The following CARMIL1 variants were observed in gnomAD, a reference collection of about 807,000 sequenced individuals.
CARMIL1 encodes F-actin-uncapping protein LRRC16A.
In CARMIL1, 90 loss-of-function variants were observed where a neutral mutation model predicts 177.1. That is an observed-to-expected ratio of 0.51 (90% confidence interval 0.43 to 0.61). The LOEUF (loss-of-function observed/expected upper bound fraction) is 0.61, where lower values mean the gene tolerates loss of function less well. Among genes scored for constraint, CARMIL1 ranks in the 20% least tolerant of loss-of-function variants. The pLI, the probability that CARMIL1 is intolerant of heterozygous loss-of-function variation, is 0.00. For missense variants in CARMIL1, 1,380 were observed against 1,667.0 expected (o/e 0.83, Z 3.00); for synonymous variants, 577 against 606.2 (o/e 0.95, Z 0.71).
At chr6:25,414,148 C>G (rs2150658851) in intron 2 of CARMIL1, among the ~76,000 whole-genome samples, 1 of 152,270 alleles carries the variant, frequency 6.6e-6, no homozygotes, top group Admixed American at 6.5e-5. Context: ...TTGAGCATCT[C>G]TTGTATGAGG....
intron 29 of CARMIL1, among the ~76,000 whole-genome samples, chr6:25,576,492 A>T (rs1393041518): frequency 6.6e-6 from 1 of 152,188 alleles, no homozygotes; most frequent in Non-Finnish European, 1.5e-5. Flanking sequence ...AAATGGCCCC[A>T]GAAGAGACGC....
intron 2 of CARMIL1, among the ~76,000 whole-genome samples, chr6:25,332,755 A>ACACACACACACACACACACACACACACG (rs1785768952): frequency 2.9e-5 from 4 of 138,920 alleles, no homozygotes; most frequent in Admixed American, 2.9e-4. Flanking sequence ...ACACACACAC[A>ACACACACACACACACACACACACACACG]CACACACACA....
At chr6:25,354,144 G>A (rs1261493168) in intron 2 of CARMIL1, among the ~76,000 whole-genome samples, 4 of 152,028 alleles carry the variant, frequency 2.6e-5, no homozygotes, top group African/African-American at 9.7e-5. Context: ...TTAAATATAA[G>A]TGGAAGGGTC....
chr6:25,439,795 G>T (rs1797566076), intron 5 of CARMIL1, among the ~76,000 whole-genome samples: 2 of 152,154 alleles, frequency 1.3e-5, no homozygotes, highest in African/African-American at 4.8e-5. Flanking sequence ...ATTGGATGTA[G>T]CTAGCGCACT....
At chr6:25,325,020 T>G (rs1325548181) in intron 2 of CARMIL1, among the ~76,000 whole-genome samples, 3 of 152,154 alleles carry the variant, frequency 2.0e-5, no homozygotes, top group Non-Finnish European at 4.4e-5. Flanking sequence ...GGTCTCCCCT[T>G]CATCTGCTTT....
At chr6:25,501,451 G>A (rs767794069) in intron 17 of CARMIL1, among the ~76,000 whole-genome samples, 1 of 152,182 alleles carries the variant, frequency 6.6e-6, no homozygotes, top group Non-Finnish European at 1.5e-5. Flanking sequence ...GGAGATAATA[G>A]TAACTCTCCC....
At chr6:25,317,467 ACAT>A (rs1213421315) in intron 2 of CARMIL1, among the ~76,000 whole-genome samples, 1 of 151,296 alleles carries the variant, frequency 6.6e-6, no homozygotes, top group Non-Finnish European at 1.5e-5. Flanking sequence ...GAGAGCCATA[ACAT>A]CATATTGTTT....
At chr6:25,486,365 A>G (rs1376333639) in intron 12 of CARMIL1, among the ~76,000 whole-genome samples, 1 of 152,178 alleles carries the variant, frequency 6.6e-6, no homozygotes, top group Non-Finnish European at 1.5e-5. Flanking sequence ...GTCTATTCAG[A>G]TGTTGGACAA....
chr6:25,555,414 CATTCA>C (rs1359387662), intron 28 of CARMIL1, among the ~76,000 whole-genome samples: 92 of 139,272 alleles, frequency 6.6e-4, no homozygotes, highest in African/African-American at 2.3e-3. Flanking sequence ...TTCATTCATT[CATTCA>C]GGATGGAGTC....
intron 28 of CARMIL1, among the ~76,000 whole-genome samples, chr6:25,556,089 G>A (rs1400023389): frequency 6.6e-6 from 1 of 152,106 alleles, no homozygotes; most frequent in Admixed American, 6.6e-5. Context: ...GTTTGTAAAC[G>A]TTCTCAAAGT....
intron 31 of CARMIL1, among the ~76,000 whole-genome samples, chr6:25,588,209 C>T (rs1198198141): frequency 6.6e-6 from 1 of 152,150 alleles, no homozygotes; most frequent in Non-Finnish European, 1.5e-5. Context: ...GTCCTGGAAC[C>T]AGTCCCCCTC....
intron 1 of CARMIL1, among the ~76,000 whole-genome samples, chr6:25,281,403 T>G (rs1781109438): frequency 1.3e-5 from 2 of 152,086 alleles, no homozygotes; most frequent in Admixed American, 1.3e-4. Flanking sequence ...TGGCAGATTT[T>G]TACTTTATAT....
chr6:25,529,941 TA>T (rs1440516540), intron 24 of CARMIL1, among the ~76,000 whole-genome samples: 2 of 151,938 alleles, frequency 1.3e-5, no homozygotes, highest in South Asian at 2.1e-4. Context: ...TAGCTTATAA[TA>T]AAAAAAGACA....
intron 20 of CARMIL1, among the ~76,000 whole-genome samples, chr6:25,512,379 C>A (rs1319774539): frequency 1.3e-5 from 2 of 152,038 alleles, no homozygotes; most frequent in East Asian, 3.9e-4. Context: ...TAATGCTGTA[C>A]AATGAAAAGC....
intron 2 of CARMIL1, among the ~76,000 whole-genome samples, chr6:25,352,664 G>A (rs1259427550): frequency 6.6e-6 from 1 of 152,096 alleles, no homozygotes; most frequent in Non-Finnish European, 1.5e-5. Flanking sequence ...CACTACGGGT[G>A]TCATTCTCTG....
chr6:25,353,527 T>C (rs547946671), intron 2 of CARMIL1, among the ~76,000 whole-genome samples: 33 of 152,360 alleles, frequency 2.2e-4, no homozygotes, highest in Middle Eastern at 3.4e-3. Flanking sequence ...TTAAGGACTC[T>C]AGGCTGCATG....
intron 12 of CARMIL1, among the ~76,000 whole-genome samples, chr6:25,484,000 T>G (rs897148443): frequency 6.6e-6 from 1 of 152,114 alleles, no homozygotes; most frequent in African/African-American, 2.4e-5. Context: ...TCAAGCGATC[T>G]GCCTGCCTCA....
chr6:25,548,485 A>G (rs983587589), intron 26 of CARMIL1, among the ~76,000 whole-genome samples: 5 of 152,138 alleles, frequency 3.3e-5, no homozygotes, highest in Non-Finnish European at 7.4e-5. Flanking sequence ...GTTTTATCAT[A>G]TGTATTGTAT....
chr6:25,436,936 A>G (rs542701115), intron 5 of CARMIL1, among the ~76,000 whole-genome samples: 6 of 152,250 alleles, frequency 3.9e-5, no homozygotes, highest in African/African-American at 7.2e-5. Context: ...CCTGGTCTCT[A>G]ATCACACACA....
Sources: allele counts gnomAD v4.1 joint callset (sites outside exome capture counted in the v4.1 genomes callset), GRCh38; gene constraint gnomAD v4.1.1; transcripts MANE v1.5; gene names NCBI Gene and HGNC (gene_info 2026-07-23, HGNC 2026-07-21).